The following PALM2AKAP2 variants were observed in gnomAD, a reference collection of about 807,000 sequenced individuals.
The protein encoded by PALM2AKAP2 is PALM2-AKAP2 fusion protein.
In PALM2AKAP2, 37 loss-of-function variants were observed where a neutral mutation model predicts 71.5. That is an observed-to-expected ratio of 0.52 (90% CI 0.40 to 0.68). PALM2AKAP2 has a LOEUF of 0.68. Ranked by LOEUF, PALM2AKAP2 falls within the 30% of genes least tolerant of loss-of-function variation. The pLI is 0.00. For missense variants in PALM2AKAP2, 1,224 were observed against 1,191.8 expected (o/e 1.03, Z -0.40); for synonymous variants, 468 against 478.8 (o/e 0.98, Z 0.29).
chr9:109,647,406 T>A (rs553507083), intron 1 of PALM2AKAP2, among the ~76,000 whole-genome samples: 2 of 152,378 alleles, frequency 1.3e-5, no homozygotes, highest in East Asian at 1.9e-4. Context: ...CTATTTTCAA[T>A]GCTACAATGA....
chr9:109,916,203 C>T (rs1449775950), intron 3 of PALM2AKAP2, among the ~76,000 whole-genome samples: 21 of 152,174 alleles, frequency 1.4e-4, no homozygotes, highest in Admixed American at 1.4e-3. Context: ...CTTGGCCTCC[C>T]AATGTATTGG....
At chr9:109,975,058 G>T (rs559900479) in intron 6 of PALM2AKAP2, among the ~76,000 whole-genome samples, 7 of 145,722 alleles carry the variant, frequency 4.8e-5, no homozygotes, top group Non-Finnish European at 7.5e-5. Flanking sequence ...GTATCTGCAC[G>T]TGCACACACA....
chr9:109,887,189 T>C (rs1284617871), intron 3 of PALM2AKAP2, among the ~76,000 whole-genome samples: 1 of 152,252 alleles, frequency 6.6e-6, no homozygotes, highest in African/African-American at 2.4e-5. Context: ...GTTGTGGGGT[T>C]TGGCAACCAA....
rs1382504104 is a variant in PALM2AKAP2, at chr9:110,066,907, C to G, written c.156+18052C>G. Among the ~76,000 whole-genome samples the G allele has an allele frequency of 2.0e-5, 3 of 151,930 alleles. No homozygotes were observed. The East Asian group carries it at 5.8e-4, about 29-fold the overall frequency. On this transcript the variant is annotated intron_variant, in intron 1 of 3. Coordinates refer to ENST00000374525, the Ensembl canonical transcript of PALM2AKAP2. ...ATTCATGATGCCTGTTATGCCTTTC[C>G]TATTTTACCTCCTTTTCAGATTATG...
intron 1 of PALM2AKAP2, among the ~76,000 whole-genome samples, chr9:109,834,102 A>G (rs1056509513): frequency 1.2e-4 from 19 of 152,200 alleles, no homozygotes; most frequent in Non-Finnish European, 2.2e-4. Context: ...AATCTCAGCT[A>G]CTTGGCAGGC....
chr9:109,640,924 A>G, intron 1 of PALM2AKAP2: 1 of 1,477,628 alleles, frequency 6.8e-7, no homozygotes, highest in Non-Finnish European at 8.9e-7. Flanking sequence ...TGCCATGGTG[A>G]CCGCGGCGGC....
intron 1 of PALM2AKAP2, among the ~76,000 whole-genome samples, chr9:109,673,799 T>C (rs570746300): frequency 8.5e-5 from 13 of 152,126 alleles, no homozygotes; most frequent in Non-Finnish European, 1.8e-4. Flanking sequence ...GGTGAATATA[T>C]ATTTAAAATA....
chr9:110,140,602 C>T (rs1235831432), intron 2 of PALM2AKAP2, among the ~76,000 whole-genome samples: 2 of 151,378 alleles, frequency 1.3e-5, no homozygotes, highest in Non-Finnish European at 2.9e-5. Flanking sequence ...ATACTTTCTC[C>T]CTTTCCATAT....
intron 1 of PALM2AKAP2, among the ~76,000 whole-genome samples, chr9:109,700,025 C>T (rs1227042057): frequency 6.6e-6 from 1 of 152,186 alleles, no homozygotes; most frequent in African/African-American, 2.4e-5. Context: ...CTGCCCACCT[C>T]AGCCTCCCAG....
At chr9:110,030,082 C>T (rs972945855) in intron 7 of PALM2AKAP2, among the ~76,000 whole-genome samples, 17 of 152,168 alleles carry the variant, frequency 1.1e-4, no homozygotes, top group South Asian at 1.0e-3. Context: ...GACAGATTAA[C>T]GGGAGAAATG....
rs527872696 is a variant in PALM2AKAP2, at chr9:110,024,404, G to A, written c.582+8365G>A. Among the ~76,000 whole-genome samples, 4 of 149,786 alleles carry A rather than the reference G, an allele frequency of 2.7e-5. No individual in the cohort carries two copies. The East Asian group carries it at 7.7e-4, about 29-fold the overall frequency. ...TTTGTATCTGGCTTAGGATGATGAT[G>A]ATTTTTTTTTTTTGAGGTTTATCCA... is the stretch of plus-strand genomic sequence containing the variant. On this transcript the variant is annotated intron_variant, in intron 7 of 9. Coordinates refer to the PALM2AKAP2 transcript ENST00000302798.
intron 1 of PALM2AKAP2, among the ~76,000 whole-genome samples, chr9:109,649,264 G>T (rs1827193425): frequency 6.6e-6 from 1 of 150,956 alleles, no homozygotes; most frequent in African/African-American, 2.4e-5. Flanking sequence ...GAATCTATTT[G>T]TTCTGTTATC....
At chr9:110,127,431 T>TCCCACAATCAACACGGGCCCCTAGTTC (rs1835632794) in intron 1 of PALM2AKAP2, among the ~76,000 whole-genome samples, 1 of 151,968 alleles carries the variant, frequency 6.6e-6, no homozygotes, top group Non-Finnish European at 1.5e-5. Flanking sequence ...GTTCCCAGTT[T>TCCCACAATCAACACGGGCCCCTAGTTC]CCCACAATCA....
At chr9:109,874,417 C>T (rs1043533820) in intron 2 of PALM2AKAP2, among the ~76,000 whole-genome samples, 2 of 152,198 alleles carry the variant, frequency 1.3e-5, no homozygotes, top group Non-Finnish European at 2.9e-5. Context: ...ACAGCTCACT[C>T]GGTGTGATAC....
At chr9:109,717,306 C>T (rs762530366) in intron 1 of PALM2AKAP2, among the ~76,000 whole-genome samples, 1 of 152,122 alleles carries the variant, frequency 6.6e-6, no homozygotes, top group Non-Finnish European at 1.5e-5. Context: ...GGAGTTGAGG[C>T]AGTTCATGGC....
intron 6 of PALM2AKAP2, among the ~76,000 whole-genome samples, chr9:109,978,797 A>T (rs1832213844): frequency 1.4e-5 from 2 of 147,714 alleles, no homozygotes; most frequent in Non-Finnish European, 3.0e-5. Flanking sequence ...TGGCTTCCAG[A>T]GCTTTTTATT....
chr9:110,118,680 T>G (rs1456011224), intron 1 of PALM2AKAP2, among the ~76,000 whole-genome samples: 1 of 152,196 alleles, frequency 6.6e-6, no homozygotes, highest in Non-Finnish European at 1.5e-5. Context: ...TTTTCAGAAG[T>G]TAATATATGC....
At chr9:109,790,755 C>T (rs754819291) in intron 1 of PALM2AKAP2, among the ~76,000 whole-genome samples, 5 of 152,176 alleles carry the variant, frequency 3.3e-5, no homozygotes, top group Non-Finnish European at 7.3e-5. Context: ...GCTGATATCA[C>T]GTGCTGTTTC....
chr9:109,931,006 T>C (rs1007383927), intron 5 of PALM2AKAP2, among the ~76,000 whole-genome samples: 1 of 152,206 alleles, frequency 6.6e-6, no homozygotes, highest in African/African-American at 2.4e-5. Flanking sequence ...CATTGATGAC[T>C]GATGGACGTT....
Sources: allele counts gnomAD v4.1 joint callset (sites outside exome capture counted in the v4.1 genomes callset), GRCh38; gene constraint gnomAD v4.1.1; transcripts MANE v1.5; gene names NCBI Gene and HGNC (gene_info 2026-07-23, HGNC 2026-07-21).